Variants in SNX13 observed in about 807,000 individuals in gnomAD.
The protein encoded by SNX13 is sorting nexin 13, also known as sorting nexin-13.
In SNX13, 45 loss-of-function variants were observed where a neutral mutation model predicts 133.6. The ratio of observed to expected loss-of-function variants is 0.34; its 90% CI spans 0.27 to 0.43. The LOEUF is 0.43. SNX13 is among the 20% of genes least tolerant of loss of function. SNX13 has a pLI of 1.00. For missense variants in SNX13, 1,032 were observed against 1,145.1 expected (o/e 0.90, Z 1.43); for synonymous variants, 414 against 373.9 (o/e 1.11, Z -1.24).
intron 19 of SNX13, among the ~76,000 whole-genome samples, chr7:17,815,326 G>A (rs576320469): frequency 1.9e-4 from 29 of 152,280 alleles, no homozygotes; most frequent in African/African-American, 6.7e-4. Flanking sequence ...GCTCATGCCT[G>A]TAACCCCAGC....
Position 17,814,915 on chromosome 7 carries a change from T to C in SNX13, c.1983A>G (p.Ala661=), listed in dbSNP as rs372932522. ...ACACATAGTGAGCTAAAGCGGGGGA[T>C]GCCTTCATCATTTCAGGAGCTAACA... ...QLLLAPEMMK[A]SPALAHYVYD... is the part of the protein sequence containing the mutation. Residue 661 remains alanine (A), a synonymous_variant, in exon 20 of 26, where the codon GCA becomes GCG. Coordinates refer to ENST00000428135, the MANE Select transcript of SNX13 (RefSeq NM_015132.5). 3.3e-4 allele frequency: 495 copies of C among 1,501,100 alleles called. No homozygotes were observed. The highest frequency in any genetic ancestry group is 3.8e-4 in the Non-Finnish European group (434 of 1,137,162). 93.0% of individuals were successfully genotyped at this position (1,501,100 alleles called of 1,614,324 possible). A position where few individuals can be genotyped will look rare whatever the true frequency, so the allele number is the denominator to read the frequency against.
intron 1 of SNX13, among the ~76,000 whole-genome samples, chr7:17,912,832 G>A (rs1023214229): frequency 6.6e-6 from 1 of 152,172 alleles, no homozygotes; most frequent in Admixed American, 6.5e-5. Context: ...GCCCTGGAGT[G>A]GGGAAAGGAC....
chr7:17,866,777 G>A (rs1318645596), intron 9 of SNX13, among the ~76,000 whole-genome samples: 1 of 152,180 alleles, frequency 6.6e-6, no homozygotes, highest in Non-Finnish European at 1.5e-5. Context: ...GAAAGAGTAA[G>A]ATCTACCATT....
intron 11 of SNX13, among the ~76,000 whole-genome samples, 180 bp from the exon 12 acceptor site, chr7:17,845,874 T>G (rs772484085): frequency 1.3e-5 from 2 of 152,012 alleles, no homozygotes; most frequent in Non-Finnish European, 2.9e-5. Flanking sequence ...TAGTTAAGAG[T>G]TGCTTAGCAA....
intron 1 of SNX13, among the ~76,000 whole-genome samples, chr7:17,938,091 G>A (rs1583866674): frequency 6.6e-6 from 1 of 152,126 alleles, no homozygotes; most frequent in East Asian, 1.9e-4. Flanking sequence ...AATATTGAGT[G>A]AAATTTTATA....
At position 17,807,510 on chromosome 7, in the gene SNX13, C is replaced by G. The variant is rs549445843; in HGVS notation, c.2065-3930G>C. 1.5e-3 allele frequency among the ~76,000 whole-genome samples: 226 copies of G among 152,318 alleles called. 1 individual carries two copies. Among genetic ancestry groups the G allele is most frequent in the Middle Eastern group, 3.4e-3 (1 of 294 alleles). ...CTCCAATCTCCCTGGGACAGAGCACCTGGTGAAAGGTGCGGTTGTGGGCGC... is the reference window on the plus strand; with the variant it reads ...CTCCAATCTCCCTGGGACAGAGCACGTGGTGAAAGGTGCGGTTGTGGGCGC... On this transcript the variant is annotated intron_variant, in intron 20 of 25. Transcript: ENST00000428135.
chr7:17,939,330 C>CA (rs1802482605), intron 1 of SNX13, among the ~76,000 whole-genome samples: 1 of 152,230 alleles, frequency 6.6e-6, no homozygotes, highest in Non-Finnish European at 1.5e-5. Flanking sequence ...TCAGGATCCT[C>CA]ACAGTACTTA....
chr7:17,918,779 TCTA>T (rs1428124788), intron 1 of SNX13, among the ~76,000 whole-genome samples: 1 of 152,214 alleles, frequency 6.6e-6, no homozygotes, highest in Non-Finnish European at 1.5e-5. Context: ...AATGAATCTT[TCTA>T]CCAAAAGGTA....
At chr7:17,875,978 G>A (rs540351732) in intron 5 of SNX13, among the ~76,000 whole-genome samples, 188 bp from the exon 6 acceptor site, 55 of 152,216 alleles carry the variant, frequency 3.6e-4, no homozygotes, top group Middle Eastern at 6.8e-3. Context: ...ACTTCACTAA[G>A]TCTTCTAACA....
rs535077123 is a variant in SNX13 at position 17,809,282 on chromosome 7, CAA to C, written c.2064+5550_2064+5551del. 7.3e-3 allele frequency among the ~76,000 whole-genome samples: 359 copies of C among 49,230 alleles called. 2 individuals are homozygous for C. Among genetic ancestry groups the C allele is most frequent in the African/African-American group, 0.026 (318 of 12,234 alleles). 32.3% of individuals were successfully genotyped at this position (49,230 alleles called of 152,430 possible). A position where few individuals can be genotyped will look rare whatever the true frequency, so the allele number is the denominator to read the frequency against. On this transcript the variant is annotated intron_variant, in intron 20 of 25. Transcript: ENST00000428135. ...GAATATTTACCAAGTAGATGGAAAG[CAA>C]AAAAAAAAAAAAAAAAAAAAAAAGC...
chr7:17,905,563 T>C (rs1798301228), intron 1 of SNX13, among the ~76,000 whole-genome samples: 1 of 152,212 alleles, frequency 6.6e-6, no homozygotes, highest in South Asian at 2.1e-4. Flanking sequence ...TTATTTACAA[T>C]TACCCAATTC....
intron 13 of SNX13, 145 bp downstream of exon 13, chr7:17,839,662 A>C (rs1789631712): frequency 3.5e-6 from 2 of 578,262 alleles, no homozygotes; most frequent in Admixed American, 7.8e-5. Flanking sequence ...TCTTCACTTA[A>C]ACGAGGATAC....
intron 14 of SNX13, 29 bp from the exon 15 acceptor site, chr7:17,834,213 A>G (rs776850883): frequency 5.2e-6 from 8 of 1,531,734 alleles, no homozygotes; most frequent in Non-Finnish European, 7.1e-6. Context: ...GATATTCAAC[A>G]ATTAATACAG....
intron 20 of SNX13, among the ~76,000 whole-genome samples, chr7:17,808,536 A>G (rs545502545): frequency 7.4e-4 from 112 of 152,338 alleles, no homozygotes; most frequent in African/African-American, 2.6e-3. Flanking sequence ...ACTCTTCAGG[A>G]TATTATCCAG....
intron 11 of SNX13, among the ~76,000 whole-genome samples, chr7:17,846,315 C>A (rs1351124473): frequency 6.6e-6 from 1 of 151,776 alleles, no homozygotes; most frequent in Non-Finnish European, 1.5e-5. Context: ...GGGCTAGTTA[C>A]ATTACAGATA....
intron 24 of SNX13, among the ~76,000 whole-genome samples, chr7:17,797,553 G>A (rs1165889403): frequency 6.6e-6 from 1 of 151,770 alleles, no homozygotes; most frequent in African/African-American, 2.4e-5. Flanking sequence ...TTGGTGTAAG[G>A]GCAAGACTCC....
At position 17,935,037 on chromosome 7, in the gene SNX13, G is replaced by A. The variant is rs149839102; in HGVS notation, c.12+5247C>T. ...ACTCCTGGGTATATTTCCAAAAAAC[G>A]GAACTCAATATGTTGAAAGGATATC... On this transcript the variant is annotated intron_variant, in intron 1 of 25. Coordinates refer to ENST00000428135, the MANE Select transcript of SNX13 (RefSeq NM_015132.5). Among the ~76,000 whole-genome samples the A allele has an allele frequency of 3.3e-3, 499 of 152,188 alleles. 5 individuals are homozygous for A. The highest frequency in any genetic ancestry group is 0.011 in the African/African-American group (469 of 41,508).
chr7:17,938,207 TA>T (rs1802331894), intron 1 of SNX13, among the ~76,000 whole-genome samples: 2 of 152,220 alleles, frequency 1.3e-5, no homozygotes, highest in African/African-American at 4.8e-5. Flanking sequence ...TTTTAAGTAA[TA>T]ATCATTTTCA....
At chr7:17,805,250 T>TGTGTGCGCGCGCGCGC in intron 20 of SNX13, among the ~76,000 whole-genome samples, 5 of 95,558 alleles carry the variant, frequency 5.2e-5, no homozygotes, top group South Asian at 3.0e-4. Flanking sequence ...TGTGTGTGTG[T>TGTGTGCGCGCGCGCGC]GCGTGCGCGC....
Sources: allele counts gnomAD v4.1 joint callset (sites outside exome capture counted in the v4.1 genomes callset), GRCh38; gene constraint gnomAD v4.1.1; transcripts MANE v1.5; gene names NCBI Gene and HGNC (gene_info 2026-07-23, HGNC 2026-07-21).